MAP3K5: variants seen among roughly 807,000 people sequenced by gnomAD.
The protein encoded by MAP3K5 is mitogen-activated protein kinase kinase kinase 5.
Under a neutral mutation model 158.7 loss-of-function variants are expected in MAP3K5, and 56 were observed. That is an observed-to-expected ratio of 0.35 (90% CI 0.28 to 0.44). The LOEUF (loss-of-function observed/expected upper bound fraction) is 0.44, where lower values mean the gene tolerates loss of function less well. Ranked by LOEUF, MAP3K5 falls within the 20% of genes least tolerant of loss-of-function variation. The pLI, the probability that MAP3K5 is intolerant of heterozygous loss-of-function variation, is 1.00. For missense variants in MAP3K5, 1,294 were observed against 1,674.8 expected (o/e 0.77, Z 3.97); for synonymous variants, 579 against 601.7 (o/e 0.96, Z 0.55).
chr6:136,648,815 C>A (rs1264852478), intron 11 of MAP3K5, among the ~76,000 whole-genome samples: 1 of 152,150 alleles, frequency 6.6e-6, no homozygotes, highest in Non-Finnish European at 1.5e-5. Flanking sequence ...CACATCAAAG[C>A]ACGGGACATT....
At chr6:136,592,124 G>A (rs1340950220) in intron 23 of MAP3K5, 49 bp downstream of exon 23, 26 of 1,499,366 alleles carry the variant, frequency 1.7e-5, no homozygotes, top group Non-Finnish European at 2.1e-5. Flanking sequence ...TTAGGACACA[G>A]ATAAAATATG....
intron 1 of MAP3K5, among the ~76,000 whole-genome samples, chr6:136,732,671 G>A (rs898288581): frequency 4.6e-5 from 7 of 152,164 alleles, no homozygotes; most frequent in South Asian, 4.1e-4. Context: ...TCTGCATGTC[G>A]TGACGCCAAT....
intron 12 of MAP3K5, among the ~76,000 whole-genome samples, chr6:136,641,400 C>A (rs572217329): frequency 6.6e-6 from 1 of 152,168 alleles, no homozygotes. Context: ...TGGGGGTAAA[C>A]AGTAGTTAGC....
rs1052941974 is a variant in MAP3K5 at position 136,558,671 on chromosome 6, C to T, written c.4064+129G>A. 5.2e-6 allele frequency: 3 copies of T among 573,272 alleles called. No individual in the cohort carries two copies. In the South Asian group the frequency reaches 8.4e-5, roughly 16 times the overall value. The allele number at this position is 573,272 out of a possible 1,614,324, so 35.5% of individuals were successfully genotyped here. A position where few individuals can be genotyped will look rare whatever the true frequency, so the allele number is the denominator to read the frequency against. ...TCCAACTAACTCAGTTTACTCAGAG[C>T]AGCTAAGAGCTAGAGAGCTCTGTCC... On this transcript the variant is annotated intron_variant, in intron 29 of 29. Transcript: ENST00000359015.
At chr6:136,693,207 T>G (rs1197448478) in intron 7 of MAP3K5, among the ~76,000 whole-genome samples, 2 of 152,230 alleles carry the variant, frequency 1.3e-5, no homozygotes, top group Non-Finnish European at 2.9e-5. Context: ...GATTCTGCCA[T>G]AAATCTAGAC....
rs117707596 is a variant in MAP3K5 at position 136,636,680 on chromosome 6, C to T, written c.2016+645G>A. ...TCCAGCAGTCGGGTGCGGTGGCTCA[C>T]GCCTGTAATTCTAGTGCTTTGGGAG... On this transcript the variant is annotated intron_variant, in intron 14 of 29. Coordinates refer to ENST00000359015, the MANE Select transcript of MAP3K5 (RefSeq NM_005923.4). The T allele has an allele frequency of 3.4e-4, 90 of 263,512 alleles. 2 individuals carry two copies. The East Asian group carries it at 0.014, about 41-fold the overall frequency. 16.3% of individuals were successfully genotyped at this position (263,512 alleles called of 1,614,324 possible).
chr6:136,738,012 G>GA (rs1457823028), intron 1 of MAP3K5, among the ~76,000 whole-genome samples: 1 of 152,108 alleles, frequency 6.6e-6, no homozygotes, highest in East Asian at 1.9e-4. Context: ...CTTTTTACCA[G>GA]AAAAAATTGC....
intron 18 of MAP3K5, 87 bp from the exon 19 acceptor site, chr6:136,605,453 G>C: frequency 9.2e-7 from 1 of 1,086,600 alleles, no homozygotes; most frequent in South Asian, 1.8e-5. Flanking sequence ...TTTTTCAACA[G>C]AAATGAGACA....
rs151041659 is a variant in MAP3K5 at position 136,613,445 on chromosome 6, T to C, written c.2279-189A>G. On this transcript the variant is annotated intron_variant, in intron 16 of 29. Coordinates refer to ENST00000359015, the MANE Select transcript of MAP3K5 (RefSeq NM_005923.4). This position sits in a 1 kb window ranked among gnomAD's most constrained non-coding sequence, Gnocchi z 4.0. Reference sequence around the variant, plus strand: ...CTCTAAAGATGCTTGTAATCAAATATGTCTAAGTAAAAGGCCAATGTCAAT... The same window carrying C: ...CTCTAAAGATGCTTGTAATCAAATACGTCTAAGTAAAAGGCCAATGTCAAT... 1.1e-3 allele frequency among the ~76,000 whole-genome samples: 166 copies of C among 152,284 alleles called. No homozygotes were observed. The highest frequency in any genetic ancestry group is 3.7e-3 in the African/African-American group (155 of 41,552).
intron 14 of MAP3K5, among the ~76,000 whole-genome samples, chr6:136,625,572 C>T (rs1198556096): frequency 6.6e-6 from 1 of 152,230 alleles, no homozygotes; most frequent in Non-Finnish European, 1.5e-5. Flanking sequence ...TCAACCACAG[C>T]TGATCCTGGT....
At chr6:136,720,996 C>T (rs1416621289) in intron 1 of MAP3K5, among the ~76,000 whole-genome samples, 2 of 152,096 alleles carry the variant, frequency 1.3e-5, no homozygotes, top group Non-Finnish European at 1.5e-5. Flanking sequence ...CCAGGTTGAA[C>T]TCAAACTCCC....
At chr6:136,561,223 A>G (rs764692357) in intron 28 of MAP3K5, among the ~76,000 whole-genome samples, 2 of 152,118 alleles carry the variant, frequency 1.3e-5, no homozygotes, top group African/African-American at 4.8e-5. Flanking sequence ...CAATTGGCCT[A>G]TTTATACCCT....
chr6:136,700,118 G>T (rs1361163783), intron 3 of MAP3K5, among the ~76,000 whole-genome samples: 1 of 151,982 alleles, frequency 6.6e-6, no homozygotes, highest in Admixed American at 6.6e-5. Flanking sequence ...AAGAGAGAGA[G>T]AAAGAAGGAA....
intron 1 of MAP3K5, among the ~76,000 whole-genome samples, chr6:136,779,329 G>A (rs978447641): frequency 6.6e-6 from 1 of 151,598 alleles, no homozygotes; most frequent in Non-Finnish European, 1.5e-5. Flanking sequence ...TGTAGTCCCA[G>A]CTACGTGGGA....
At chr6:136,709,228 CGGGTACTACAAA>C (rs1381034802) in intron 2 of MAP3K5, among the ~76,000 whole-genome samples, 1 of 151,970 alleles carries the variant, frequency 6.6e-6, no homozygotes, top group Non-Finnish European at 1.5e-5. Flanking sequence ...TGACATACAG[CGGGTACTACAAA>C]AGCATGAATA....
intron 1 of MAP3K5, among the ~76,000 whole-genome samples, chr6:136,773,049 C>A (rs1447231054): frequency 6.6e-6 from 1 of 152,218 alleles, no homozygotes; most frequent in African/African-American, 2.4e-5. Flanking sequence ...AAAAACAACT[C>A]TATTTTCAGT....
At chr6:136,772,909 A>G (rs1169668176) in intron 1 of MAP3K5, among the ~76,000 whole-genome samples, 1 of 152,150 alleles carries the variant, frequency 6.6e-6, no homozygotes, top group African/African-American at 2.4e-5. Context: ...CTGGCCTGAG[A>G]GATGGGCACT....
At chr6:136,573,190 C>T (rs1301396643) in intron 25 of MAP3K5, among the ~76,000 whole-genome samples, 1 of 152,194 alleles carries the variant, frequency 6.6e-6, no homozygotes, top group East Asian at 1.9e-4. Context: ...TCATCCAGTC[C>T]ACTGAGGACC....
intron 7 of MAP3K5, among the ~76,000 whole-genome samples, chr6:136,671,403 C>T (rs1227638925): frequency 6.6e-6 from 1 of 152,114 alleles, no homozygotes; most frequent in Non-Finnish European, 1.5e-5. Context: ...TCCCCTCAAT[C>T]CATGAGACTA....
Sources: gnomAD v4.1 joint callset for allele counts (sites outside exome capture counted in the v4.1 genomes callset) on GRCh38, gnomAD v4.1.1 for gene constraint, Gnocchi (gnomAD v3.1) non-coding constraint, MANE v1.5 for transcripts, NCBI Gene and HGNC (gene_info 2026-07-23, HGNC 2026-07-21) for gene names.